Variants in DYM observed in about 807,000 individuals in gnomAD.
DYM encodes dyggve-Melchior-Clausen syndrome protein.
Under a neutral mutation model 93.1 loss-of-function variants are expected in DYM, and 78 were observed. The ratio of observed to expected loss-of-function variants is 0.84; its 90% confidence interval spans 0.70 to 1.01. The LOEUF is 1.01. Ranked by LOEUF, DYM falls within the 50% of genes least tolerant of loss-of-function variation. The pLI is 0.00. For missense variants in DYM, 789 were observed against 845.0 expected (o/e 0.93, Z 0.82); for synonymous variants, 321 against 319.7 (o/e 1.00, Z -0.04).
chr18:49,198,366 C>T (rs1276441940), intron 14 of DYM, among the ~76,000 whole-genome samples: 2 of 151,926 alleles, frequency 1.3e-5, no homozygotes, highest in African/African-American at 4.8e-5. Flanking sequence ...GCAACAAAAG[C>T]CAAAATTGAC....
intron 14 of DYM, among the ~76,000 whole-genome samples, chr18:49,170,704 G>A (rs1217587205): frequency 2.0e-5 from 3 of 147,056 alleles, no homozygotes; most frequent in African/African-American, 7.5e-5. Context: ...TCTTGAACCT[G>A]GGAGGCAGAG....
chr18:49,299,371 G>A (rs2146130442), intron 8 of DYM, among the ~76,000 whole-genome samples: 1 of 152,282 alleles, frequency 6.6e-6, no homozygotes, highest in East Asian at 1.9e-4. Context: ...CAGTGGCATG[G>A]ATGTGGCTAA....
intron 17 of DYM, among the ~76,000 whole-genome samples, chr18:49,071,720 A>T (rs1213396944): frequency 3.9e-5 from 6 of 152,232 alleles, no homozygotes; most frequent in African/African-American, 1.4e-4. Flanking sequence ...AGCCGCTCCA[A>T]AGGGGGAAAA....
intron 13 of DYM, among the ~76,000 whole-genome samples, chr18:49,236,296 C>T (rs112558809): frequency 1.8e-4 from 27 of 152,022 alleles, no homozygotes; most frequent in African/African-American, 5.5e-4. Context: ...CTGGCTAACA[C>T]GGTGAAACCC....
intron 17 of DYM, among the ~76,000 whole-genome samples, chr18:49,057,414 A>T (rs1360789152): frequency 2.0e-5 from 3 of 152,240 alleles, no homozygotes; most frequent in African/African-American, 7.2e-5. Context: ...GAGCATGCAC[A>T]GTGTTTCCCA....
At chr18:49,347,384 C>T (rs1467292140) in intron 6 of DYM, among the ~76,000 whole-genome samples, 6 of 152,048 alleles carry the variant, frequency 3.9e-5, no homozygotes, top group Non-Finnish European at 7.4e-5. Context: ...AAACAGAAGA[C>T]TGCCATAAAT....
chr18:49,046,646 T>TCC (rs1178209787), intron 17 of DYM, among the ~76,000 whole-genome samples: 1 of 152,182 alleles, frequency 6.6e-6, no homozygotes, highest in Non-Finnish European at 1.5e-5. Flanking sequence ...ACGCCTGTAA[T>TCC]CCCAGCACTG....
At chr18:49,236,066 A>G (rs961823813) in intron 13 of DYM, among the ~76,000 whole-genome samples, 7 of 152,238 alleles carry the variant, frequency 4.6e-5, no homozygotes, top group African/African-American at 1.7e-4. Flanking sequence ...TTCACATTAC[A>G]GGTGTCACTT....
At chr18:49,413,336 A>G (rs1215992778) in intron 2 of DYM, among the ~76,000 whole-genome samples, 2 of 152,176 alleles carry the variant, frequency 1.3e-5, no homozygotes, top group East Asian at 3.8e-4. Context: ...TAACAGAACT[A>G]AAAAAATGGA....
chr18:49,419,803 A>G (rs1159635782), intron 2 of DYM, among the ~76,000 whole-genome samples: 1 of 152,236 alleles, frequency 6.6e-6, no homozygotes, highest in Non-Finnish European at 1.5e-5. Flanking sequence ...CTACTTTAGT[A>G]TATTTCAATG....
intron 6 of DYM, among the ~76,000 whole-genome samples, chr18:49,336,435 G>A (rs970857633): frequency 3.3e-5 from 5 of 152,144 alleles, no homozygotes; most frequent in African/African-American, 1.2e-4. Context: ...ATGAAGAGTA[G>A]AGGGTTTGAT....
chr18:49,446,090 T>TA (rs1180736230), intron 1 of DYM, among the ~76,000 whole-genome samples: 2 of 152,186 alleles, frequency 1.3e-5, no homozygotes, highest in Non-Finnish European at 2.9e-5. Flanking sequence ...TAGGCAGATT[T>TA]ATAAACGCAG....
intron 14 of DYM, among the ~76,000 whole-genome samples, chr18:49,199,041 T>C (rs1277754025): frequency 5.3e-5 from 8 of 152,222 alleles, no homozygotes; most frequent in Admixed American, 4.6e-4. Flanking sequence ...TGGAATACTA[T>C]GTGGCCATAA....
intron 11 of DYM, among the ~76,000 whole-genome samples, chr18:49,270,884 C>T (rs1410373051): frequency 6.6e-6 from 1 of 152,002 alleles, no homozygotes; most frequent in Non-Finnish European, 1.5e-5. Flanking sequence ...TGTCTGTACC[C>T]TTATAAAGAG....
intron 8 of DYM, among the ~76,000 whole-genome samples, chr18:49,317,603 TCCCCCCTCCCTC>T (rs2062071538): frequency 5.5e-5 from 1 of 18,112 alleles, no homozygotes; most frequent in African/African-American, 2.8e-4. Context: ...CTCTCCCCCC[TCCCCCCTCCCTC>T]CCTCCCTCCC....
intron 17 of DYM, among the ~76,000 whole-genome samples, chr18:49,082,546 A>C (rs947261801): frequency 6.6e-6 from 1 of 152,264 alleles, no homozygotes; most frequent in African/African-American, 2.4e-5. Flanking sequence ...ACATAAACAT[A>C]GAAAACACAA....
intron 6 of DYM, among the ~76,000 whole-genome samples, chr18:49,355,816 A>T (rs533772107): frequency 3.9e-5 from 6 of 152,298 alleles, no homozygotes; most frequent in African/African-American, 1.4e-4. Context: ...AAATAAATAT[A>T]AAGACTTATT....
At chr18:49,429,588 C>T (rs1167074730) in intron 2 of DYM, among the ~76,000 whole-genome samples, 1 of 152,194 alleles carries the variant, frequency 6.6e-6, no homozygotes, top group Admixed American at 6.5e-5. Context: ...TGGGGAAACA[C>T]ACCTCTCATG....
intron 15 of DYM, among the ~76,000 whole-genome samples, chr18:49,140,819 A>G (rs749073219): frequency 6.6e-6 from 1 of 152,216 alleles, no homozygotes; most frequent in Non-Finnish European, 1.5e-5. Flanking sequence ...CCTATTCCCT[A>G]AGAGAATCCT....
Sources: allele counts gnomAD v4.1 joint callset (sites outside exome capture counted in the v4.1 genomes callset), GRCh38; gene constraint gnomAD v4.1.1; transcripts MANE v1.5; gene names NCBI Gene and HGNC (gene_info 2026-07-23, HGNC 2026-07-21).